TTI1: variants seen among roughly 807,000 people sequenced by gnomAD.
TTI1 encodes TELO2 interacting protein 1, also known as TELO2-interacting protein 1 homolog.
Under a neutral mutation model 85.4 loss-of-function variants are expected in TTI1, and 52 were observed. That is an observed-to-expected ratio of 0.61 (90% confidence interval 0.49 to 0.77). The LOEUF (loss-of-function observed/expected upper bound fraction) is 0.77. TTI1 is among the 30% of genes least tolerant of loss of function. TTI1 has a pLI of 0.00. For synonymous variants in TTI1, 512 were observed against 503.9 expected (o/e 1.02, Z -0.22); for missense variants, 1,173 against 1,296.0 (o/e 0.91, Z 1.46).
intron 7 of TTI1, 55 bp from the exon 8 acceptor site, chr20:37,983,694 T>G: frequency 2.1e-6 from 3 of 1,409,756 alleles, no homozygotes; most frequent in Non-Finnish European, 2.8e-6. Context: ...AGGCGGGGAA[T>G]GCTACAGCCC....
chr20:38,010,318 C>T (rs138016276), intron 2 of TTI1, among the ~76,000 whole-genome samples: 138 of 152,224 alleles, frequency 9.1e-4, no homozygotes, highest in Non-Finnish European at 9.1e-4. Flanking sequence ...TTCTCAGAGG[C>T]TATTAGCAGT....
intron 3 of TTI1, among the ~76,000 whole-genome samples, chr20:38,003,803 T>C (rs903991162): frequency 3.3e-5 from 5 of 151,902 alleles, no homozygotes; most frequent in Non-Finnish European, 7.4e-5. Flanking sequence ...TGGAGGAGCC[T>C]TGAAGCTGGG....
chr20:38,032,670 T>G (rs1366997825), intron 1 of TTI1, among the ~76,000 whole-genome samples: 1 of 152,222 alleles, frequency 6.6e-6, no homozygotes, highest in African/African-American at 2.4e-5. Context: ...CTGTAACCTC[T>G]AACTCCTGGG....
rs998250419 is a variant in TTI1 at position 38,000,250 on chromosome 20, C to G, written c.2653-922G>C. On this transcript the variant is annotated intron_variant, in intron 4 of 7. Transcript: ENST00000373447. ...GAGCACGCGGGAGGAGAAAGTTGGG[C>G]GGCTAGGGGAGACCAAGTTCTGTTA... Among the ~76,000 whole-genome samples the G allele has an allele frequency of 1.3e-5, 2 of 152,074 alleles. 1 individual carries two copies. Among genetic ancestry groups the G allele is most frequent in the South Asian group, 4.2e-4 (2 of 4,818 alleles).
intron 4 of TTI1, 41 bp downstream of exon 4, chr20:38,002,587 C>G (rs1478551064): frequency 6.2e-7 from 1 of 1,608,596 alleles, no homozygotes; most frequent in Non-Finnish European, 8.5e-7. Context: ...ACACCTTAGT[C>G]CTGCTACTCT....
chr20:38,006,122 T>A (rs2073494056), intron 3 of TTI1, 75 bp downstream of exon 3: 2 of 1,534,720 alleles, frequency 1.3e-6, no homozygotes, highest in Non-Finnish European at 1.8e-6. Flanking sequence ...ACCCTTTCTG[T>A]AATGATGTTT....
chr20:37,983,756 C>G (rs914642575), intron 7 of TTI1, 117 bp from the exon 8 acceptor site: 10 of 1,010,248 alleles, frequency 9.9e-6, no homozygotes, highest in Non-Finnish European at 1.3e-5. Context: ...ATAACAATAT[C>G]AAGTCACTTC....
Position 37,996,806 on chromosome 20 carries a change from T to G in TTI1, c.2941A>C (p.Lys981Gln). The G allele has an allele frequency of 1.2e-6, 2 of 1,613,920 alleles. No individual in the cohort carries two copies. The highest frequency in any genetic ancestry group is 1.7e-6 in the Non-Finnish European group (2 of 1,179,834). Reference sequence around the variant, plus strand: ...CCCTGTAAGACAGCCAGCTGCAACTTGAAGGCCAGCGTGTGCGAGTAAACT... The same window carrying G: ...CCCTGTAAGACAGCCAGCTGCAACTGGAAGGCCAGCGTGTGCGAGTAAACT... ...GPVYSHTLAF[K>Q]LQLAVLQGLG... Residue 981 changes from lysine to glutamine, a missense_variant, in exon 6 of 8, where the codon AAG becomes CAG. Coordinates refer to ENST00000373447, the MANE Select transcript of TTI1 (RefSeq NM_001303457.2).
At chr20:38,017,301 A>C (rs997784568) in intron 1 of TTI1, among the ~76,000 whole-genome samples, 5 of 152,204 alleles carry the variant, frequency 3.3e-5, no homozygotes, top group African/African-American at 1.2e-4. Context: ...AGCCAAATAA[A>C]TTACAAAAAT....
At chr20:38,018,412 T>C (rs927028486) in intron 1 of TTI1, among the ~76,000 whole-genome samples, 5 of 152,052 alleles carry the variant, frequency 3.3e-5, no homozygotes, top group African/African-American at 1.2e-4. Context: ...GGAAGATAGG[T>C]CAATAAAAAA....
intron 2 of TTI1, among the ~76,000 whole-genome samples, chr20:38,009,096 T>C (rs552638159): frequency 8.0e-4 from 122 of 152,190 alleles, no homozygotes; most frequent in Non-Finnish European, 1.4e-3. Context: ...CAAATTCAGA[T>C]ACCTCTTGAG....
intron 6 of TTI1, 63 bp downstream of exon 6, chr20:37,996,686 A>G: frequency 1.3e-6 from 2 of 1,547,620 alleles, no homozygotes; most frequent in South Asian, 2.4e-5. Flanking sequence ...AGCAGAGGGC[A>G]TGATGGCAGG....
intron 1 of TTI1, among the ~76,000 whole-genome samples, chr20:38,017,450 GGT>G (rs2073701197): frequency 6.6e-6 from 1 of 151,440 alleles, no homozygotes; most frequent in South Asian, 2.1e-4. Context: ...GCGCGCCTTT[GGT>G]GTGTGCGCAC....
chr20:38,013,599 C>A lies in TTI1; in HGVS notation c.218G>T (p.Ser73Ile), dbSNP rs1568624798. ...GACAAATGTGAGGCATTCCACCACA[C>A]TTTGGATCAAACGCTCTCTTTTGGG... is the stretch of plus-strand genomic sequence containing the variant. ...PGPKRERLIQSVVECLTFVLS... is the reference protein window; with the variant it reads ...PGPKRERLIQIVVECLTFVLS... The change falls in exon 2 of 8, where the codon AGT becomes ATT. Residue 73 changes from serine to isoleucine, a missense_variant. Coordinates refer to ENST00000373447, the MANE Select transcript of TTI1 (RefSeq NM_001303457.2). 1.9e-6 allele frequency: 3 copies of A among 1,614,226 alleles called. No homozygotes were observed. The highest frequency in any genetic ancestry group is 2.5e-6 in the Non-Finnish European group (3 of 1,180,042).
chr20:37,996,767 A>T lies in TTI1; in HGVS notation c.2980T>A (p.Cys994Ser). The part of the protein sequence containing the change: ...LAVLQGLGPL[C>S]ERLDLGEGDL... ...TACCCACCTAGGTCCAGTCTCTCACAGAGGGGGCCCAGGCCCTGTAAGACA... is the reference window on the plus strand; with the variant it reads ...TACCCACCTAGGTCCAGTCTCTCACTGAGGGGGCCCAGGCCCTGTAAGACA... The change falls in exon 6 of 8, where the codon TGT becomes AGT. Residue 994 changes from cysteine to serine, a missense_variant. Physicochemically the swap from Cys to Ser is moderately radical, Grantham distance 112. Transcript: ENST00000373447. The T allele has an allele frequency of 1.2e-6, 2 of 1,611,694 alleles. No individual in the cohort carries two copies. The highest frequency in any genetic ancestry group is 1.7e-6 in the Non-Finnish European group (2 of 1,178,222).
At chr20:38,002,036 C>T (rs1270058310) in intron 4 of TTI1, among the ~76,000 whole-genome samples, 1 of 152,072 alleles carries the variant, frequency 6.6e-6, no homozygotes, top group Non-Finnish European at 1.5e-5. Context: ...ATTTCTCACT[C>T]CTGCTTGGGG....
chr20:38,011,906 A>C lies in TTI1; in HGVS notation c.1911T>G (p.Phe637Leu). ...ICIQLEGIGQ[F>L]AYALGKDFCL... is the part of the protein sequence containing the mutation. ...AGAAGTCTTTTCCTAGTGCATATGC[A>C]AACTGGCCAATTCCTTCCAACTGAA... The change falls in exon 2 of 8, where the codon TTT (phenylalanine) becomes TTG (leucine). Residue 637 changes from phenylalanine to leucine, a missense_variant. Phe to Leu is a conservative substitution (Grantham distance 22, BLOSUM62 0). Transcript: ENST00000373447. 6.2e-7 allele frequency: 1 copy of C among 1,614,240 alleles called. No homozygotes were observed. Among genetic ancestry groups the C allele is most frequent in the Non-Finnish European group, 8.5e-7 (1 of 1,180,046 alleles).
Position 37,993,783 on chromosome 20 carries a change from C to T in TTI1, c.3086+2592G>A, listed in dbSNP as rs1209919731. Among the ~76,000 whole-genome samples, 8 of 152,354 alleles carry T rather than the reference C, an allele frequency of 5.3e-5. No homozygotes were observed. The South Asian group carries it at 1.7e-3, about 32-fold the overall frequency. On this transcript the variant is annotated intron_variant, in intron 7 of 7. Coordinates refer to ENST00000373447, the MANE Select transcript of TTI1 (RefSeq NM_001303457.2). ...CCTCTGGCTTTTCTGAATACTAAGC[C>T]AAGGTTCCCACTTGGGCCCTTGCAA... is the stretch of plus-strand genomic sequence containing the variant.
At chr20:38,020,060 A>G (rs1023093534) in intron 1 of TTI1, among the ~76,000 whole-genome samples, 1 of 152,150 alleles carries the variant, frequency 6.6e-6, no homozygotes, top group East Asian at 1.9e-4. Context: ...AATAGAAAAG[A>G]CAATCTTCAA....
Sources: allele counts gnomAD v4.1 joint callset (sites outside exome capture counted in the v4.1 genomes callset), GRCh38; gene constraint gnomAD v4.1.1; transcripts MANE v1.5; gene names NCBI Gene and HGNC (gene_info 2026-07-23, HGNC 2026-07-21).